Variants in EPHB2 observed in about 807,000 individuals in gnomAD.
The protein encoded by EPHB2 is EPH receptor B2.
EPHB2 carries 18 observed loss-of-function variants against 96.4 expected under a neutral mutation model. The observed-to-expected ratio is 0.19, with a 90% CI of 0.13 to 0.28. EPHB2 has a LOEUF of 0.28. Among genes scored for constraint, EPHB2 ranks in the 10% least tolerant of loss-of-function variants. The pLI, the probability that EPHB2 is intolerant of heterozygous loss-of-function variation, is 1.00. For missense variants in EPHB2, 989 were observed against 1,355.4 expected, an observed-to-expected ratio of 0.73 and a Z score of 4.25; for synonymous variants, 506 against 534.1, an observed-to-expected ratio of 0.95 and a Z score of 0.72.
intron 3 of EPHB2, among the ~76,000 whole-genome samples, chr1:22,848,158 G>A (rs1265383779): frequency 2.0e-5 from 3 of 152,288 alleles, no homozygotes; most frequent in East Asian, 1.9e-4. Flanking sequence ...CAAATCCTCA[G>A]TGTCCAGGAG....
chr1:22,899,698 A>C (rs1200762578), intron 9 of EPHB2, among the ~76,000 whole-genome samples: 1 of 152,216 alleles, frequency 6.6e-6, no homozygotes, highest in Non-Finnish European at 1.5e-5. Flanking sequence ...GTACATTAAA[A>C]ATAAAGGTCA....
chr1:22,873,466 C>T (rs1181271928), intron 5 of EPHB2, among the ~76,000 whole-genome samples: 1 of 152,162 alleles, frequency 6.6e-6, no homozygotes, highest in African/African-American at 2.4e-5. Context: ...ATCATGTTGG[C>T]TTATATCCTA....
intron 3 of EPHB2, among the ~76,000 whole-genome samples, chr1:22,824,787 T>TTTTAA (rs1235150317): frequency 6.6e-6 from 1 of 152,224 alleles, no homozygotes; most frequent in African/African-American, 2.4e-5. Context: ...CCTGTCGTGG[T>TTTTAA]TTTAATTTAA....
At chr1:22,904,106 G>A (rs1469794469) in intron 9 of EPHB2, among the ~76,000 whole-genome samples, 1 of 152,160 alleles carries the variant, frequency 6.6e-6, no homozygotes, top group Admixed American at 6.5e-5. Context: ...TGGCCAACAT[G>A]GCAAAACCTA....
chr1:22,723,292 G>A (rs1643509743), intron 1 of EPHB2, among the ~76,000 whole-genome samples: 1 of 152,252 alleles, frequency 6.6e-6, no homozygotes, highest in African/African-American at 2.4e-5. Flanking sequence ...AGAGCCCGCA[G>A]GGCCTTTTTG....
rs564704527 is a variant in EPHB2, at chr1:22,727,809, A to C, written c.61+16766A>C. On this transcript the variant is annotated intron_variant, in intron 1 of 15. Coordinates refer to ENST00000374630, the MANE Select transcript of EPHB2 (RefSeq NM_017449.5). ...AAAAAAAAAAAACAAAAAAAAAAAA[A>C]ACTTTTTTTTTTAATGGAGATGGGG... Among the ~76,000 whole-genome samples, 823 of 149,268 alleles carry C rather than the reference A, an allele frequency of 5.5e-3. 6 individuals carry two copies. The highest frequency in any genetic ancestry group is 8.4e-3 in the Non-Finnish European group (566 of 67,480).
chr1:22,832,208 T>C (rs10737468), intron 3 of EPHB2, among the ~76,000 whole-genome samples: 151,061 of 152,272 alleles, frequency 0.99, 74,942 homozygotes, highest in East Asian at 1. Flanking sequence ...CCTGAGTCAC[T>C]CTGTGCCTGC....
At chr1:22,830,645 C>T (rs534711322) in intron 3 of EPHB2, among the ~76,000 whole-genome samples, 1 of 152,310 alleles carries the variant, frequency 6.6e-6, no homozygotes, top group African/African-American at 2.4e-5. Flanking sequence ...GCAACCTCCA[C>T]CTCCCGGGTG....
In EPHB2 at chr1:22,915,904, G is replaced by A. The variant is rs1336453212; in HGVS notation, c.*2334G>A. ...GCCAGTGAGAAAGATTCGGGCCACA[G>A]GCAGCCAGCTAGAAGCGCCACGGTC... On this transcript the variant is annotated 3_prime_UTR_variant, in exon 16 of 16. Transcript: ENST00000374630. The A allele has an allele frequency of 6.6e-6, 1 of 152,400 alleles. No homozygotes were observed. Among genetic ancestry groups the A allele is most frequent in the African/African-American group, 2.4e-5 (1 of 41,464 alleles). 9.4% of individuals were successfully genotyped at this position (152,400 alleles called of 1,614,324 possible). A position where few individuals can be genotyped will look rare whatever the true frequency, so the allele number is the denominator to read the frequency against.
chr1:22,774,561 G>A, intron 1 of EPHB2: 1 of 985,320 alleles, frequency 1.0e-6, no homozygotes, highest in Non-Finnish European at 1.2e-6. Flanking sequence ...CAGTGTTCAG[G>A]GAGGTAAAGT....
chr1:22,768,268 C>T (rs1028517869), intron 1 of EPHB2, among the ~76,000 whole-genome samples: 4 of 152,224 alleles, frequency 2.6e-5, no homozygotes, highest in Admixed American at 6.5e-5. Context: ...TCTGATCCTA[C>T]AGTTTCCTCA....
intron 5 of EPHB2, among the ~76,000 whole-genome samples, chr1:22,867,533 T>C (rs12076355): frequency 0.037 from 5,672 of 152,214 alleles, 357 homozygotes; most frequent in African/African-American, 0.13. Context: ...CCTGCTCAGA[T>C]TGGGGTCCAG....
At chr1:22,866,751 T>G (rs1292443137) in intron 5 of EPHB2, among the ~76,000 whole-genome samples, 1 of 151,988 alleles carries the variant, frequency 6.6e-6, no homozygotes, top group East Asian at 2.0e-4. Flanking sequence ...CTGGCCAACA[T>G]GGTGAAGCCC....
At chr1:22,780,976 T>C (rs1225179350) in intron 1 of EPHB2, among the ~76,000 whole-genome samples, 3 of 151,792 alleles carry the variant, frequency 2.0e-5, no homozygotes, top group Non-Finnish European at 2.9e-5. Context: ...GTCAGATGAC[T>C]GGGGCAATGG....
rs375578940 is a variant in EPHB2, at chr1:22,865,052, C to T, written c.1143C>T (p.Tyr381=). ...ACTRCGDNVQ[Y]APRQLGLTEP... ...CCCGCTGCGGGGACAATGTACAGTA[C>T]GCACCACGCCAGCTAGGCCTGACCG... The change falls in exon 5 of 16, where the codon TAC becomes TAT. Residue 381 remains tyrosine, a synonymous_variant. Transcript: ENST00000374630. 1.7e-5 allele frequency: 27 copies of T among 1,614,196 alleles called. No individual in the cohort carries two copies. Among genetic ancestry groups the T allele is most frequent in the Middle Eastern group, 1.6e-4 (1 of 6,062 alleles).
At chr1:22,885,332 C>A (rs901610085) in intron 6 of EPHB2, among the ~76,000 whole-genome samples, 1 of 152,256 alleles carries the variant, frequency 6.6e-6, no homozygotes, top group Admixed American at 6.5e-5. Flanking sequence ...CTGCCTGCGA[C>A]CCATTTCCTA....
rs577193159 is a variant in EPHB2, at chr1:22,896,260, G to C, written c.1701-154G>C. 11 of 818,398 alleles carry C rather than the reference G, an allele frequency of 1.3e-5. No individual in the cohort carries two copies. The Admixed American group carries it at 2.0e-4, about 15-fold the overall frequency. The allele number at this position is 818,398 out of a possible 1,614,324, so 50.7% of individuals were successfully genotyped here. A position where few individuals can be genotyped will look rare whatever the true frequency, so the allele number is the denominator to read the frequency against. On this transcript the variant is annotated intron_variant, in intron 8 of 15. Coordinates refer to ENST00000374630, the MANE Select transcript of EPHB2 (RefSeq NM_017449.5). The stretch of plus-strand genomic sequence containing the variant: ...CCTGGACTTGAGGTGGGAGGAGTGG[G>C]AAGGGACAAGTGGGGCCAAAAGGGG...
intron 3 of EPHB2, among the ~76,000 whole-genome samples, chr1:22,848,273 C>T (rs1228722931): frequency 2.0e-5 from 3 of 152,174 alleles, no homozygotes; most frequent in African/African-American, 7.2e-5. Context: ...CTCCAGAACT[C>T]TGCTGTGTGC....
chr1:22,894,043 T>G (rs570348737), intron 7 of EPHB2, among the ~76,000 whole-genome samples: 1 of 152,360 alleles, frequency 6.6e-6, no homozygotes, highest in East Asian at 1.9e-4. Context: ...AAATCCTCCC[T>G]ATGGCTCTAC....
Sources: allele counts gnomAD v4.1 joint callset (sites outside exome capture counted in the v4.1 genomes callset), GRCh38; gene constraint gnomAD v4.1.1; transcripts MANE v1.5; gene names NCBI Gene and HGNC (gene_info 2026-07-23, HGNC 2026-07-21).